Variants in TTC7A observed in about 807,000 individuals in gnomAD.
TTC7A encodes tetratricopeptide repeat domain 7A.
A neutral mutation model predicts 103.7 loss-of-function variants in TTC7A; 110 were observed. That is an observed-to-expected ratio of 1.06 (90% CI 0.91 to 1.24). The LOEUF (loss-of-function observed/expected upper bound fraction) is 1.24. Among genes scored for constraint, TTC7A ranks in the 50% most tolerant of loss-of-function variants. The pLI, the probability that TTC7A is intolerant of heterozygous loss-of-function variation, is 0.00. For missense variants in TTC7A, 1,340 were observed against 1,116.3 expected (o/e 1.20, Z -2.86); for synonymous variants, 521 against 467.9 (o/e 1.11, Z -1.47).
chr2:46,986,068 G>A (rs1187376228), intron 5 of TTC7A, among the ~76,000 whole-genome samples: 1 of 152,196 alleles, frequency 6.6e-6, no homozygotes, highest in East Asian at 1.9e-4. Context: ...CCTGGGTGGG[G>A]GCACAGTTGC....
chr2:46,927,604 C>G (rs1669457881), intron 2 of TTC7A, among the ~76,000 whole-genome samples: 1 of 151,966 alleles, frequency 6.6e-6, no homozygotes, highest in Non-Finnish European at 1.5e-5. Context: ...TCGTGATCTG[C>G]TCTCCTCGGC....
rs531701173 is a variant in TTC7A, at chr2:47,000,810, G to A, written c.1066-5112G>A. Among the ~76,000 whole-genome samples the A allele has an allele frequency of 2.6e-4, 39 of 152,300 alleles. No individual in the cohort carries two copies. The South Asian group carries it at 7.9e-3, about 31-fold the overall frequency. On this transcript the variant is annotated intron_variant, in intron 8 of 19. Coordinates refer to ENST00000319190, the MANE Select transcript of TTC7A (RefSeq NM_020458.4). ...TGTTTTTGAGAATGCGGTTGATCAG[G>A]GCCTTGGACTTGTTGCCCAGGGAGC...
intron 18 of TTC7A, among the ~76,000 whole-genome samples, chr2:47,053,513 G>A (rs899770027): frequency 1.3e-5 from 2 of 150,760 alleles, no homozygotes; most frequent in African/African-American, 2.4e-5. Flanking sequence ...TTTGGTGGGC[G>A]GGTTTTTGGT....
chr2:46,980,878 G>A (rs1050179123), intron 5 of TTC7A, among the ~76,000 whole-genome samples: 1 of 152,212 alleles, frequency 6.6e-6, no homozygotes, highest in Non-Finnish European at 1.5e-5. Context: ...TTACTTGCTA[G>A]ATGACTGGTG....
intron 11 of TTC7A, among the ~76,000 whole-genome samples, chr2:47,013,051 C>T (rs531409768): frequency 4.6e-5 from 7 of 152,326 alleles, no homozygotes; most frequent in African/African-American, 1.4e-4. Flanking sequence ...CCTAACCTCA[C>T]TGTGCCTCAG....
chr2:46,967,405 C>T (rs1048991070), intron 3 of TTC7A, among the ~76,000 whole-genome samples: 1 of 152,178 alleles, frequency 6.6e-6, no homozygotes, highest in Non-Finnish European at 1.5e-5. Context: ...GAAACAGCAA[C>T]GCCCCATTCC....
intron 19 of TTC7A, chr2:47,068,637 AC>A (rs1684384035): frequency 6.6e-6 from 1 of 151,616 alleles, no homozygotes; most frequent in South Asian, 2.1e-4. Context: ...GTCCCCCAGC[AC>A]CTGCTCAGTG....
chr2:46,987,557 C>T (rs1392557890), intron 5 of TTC7A, among the ~76,000 whole-genome samples: 1 of 152,214 alleles, frequency 6.6e-6, no homozygotes, highest in Admixed American at 6.5e-5. Flanking sequence ...TGGTTTTTCC[C>T]TTCCTTCCGC....
chr2:47,032,493 G>A (rs1442845840), intron 15 of TTC7A, among the ~76,000 whole-genome samples: 1 of 152,210 alleles, frequency 6.6e-6, no homozygotes, highest in Non-Finnish European at 1.5e-5. Context: ...GCTGTGGAGG[G>A]TGGGGCCTAG....
At chr2:46,981,561 T>G (rs1247548760) in intron 5 of TTC7A, among the ~76,000 whole-genome samples, 1 of 152,076 alleles carries the variant, frequency 6.6e-6, no homozygotes, top group African/African-American at 2.4e-5. Flanking sequence ...GCCAAATAAG[T>G]TTGGGAAACA....
intron 5 of TTC7A, among the ~76,000 whole-genome samples, chr2:46,982,766 C>G (rs985399501): frequency 1.3e-5 from 2 of 152,118 alleles, no homozygotes; most frequent in Non-Finnish European, 2.9e-5. Context: ...AAGTTTGAGA[C>G]CAGCCTGGAC....
intron 16 of TTC7A, among the ~76,000 whole-genome samples, chr2:47,049,065 G>A (rs773312296): frequency 6.6e-6 from 1 of 152,136 alleles, no homozygotes; most frequent in African/African-American, 2.4e-5. Flanking sequence ...CCTGAGTTAC[G>A]ATGGCAAGGA....
chr2:46,967,320 CTT>C (rs1672949901), intron 3 of TTC7A, among the ~76,000 whole-genome samples: 1 of 152,344 alleles, frequency 6.6e-6, no homozygotes, highest in East Asian at 1.9e-4. Context: ...CTCCTGAACT[CTT>C]TTAACATTTG....
intron 8 of TTC7A, among the ~76,000 whole-genome samples, chr2:47,005,495 G>A (rs1010133108): frequency 2.8e-4 from 42 of 152,156 alleles, no homozygotes; most frequent in Admixed American, 3.3e-4. Context: ...GTGGAGGGCC[G>A]CTTCCAGATA....
chr2:46,951,848 G>A (rs539407143), intron 2 of TTC7A: 1 of 349,306 alleles, frequency 2.9e-6, no homozygotes, highest in South Asian at 2.2e-5. Context: ...CCTCAAGGAG[G>A]TTGCAGGTCT....
At chr2:46,951,782 A>G in intron 2 of TTC7A, 1 of 407,760 alleles carries the variant, frequency 2.5e-6, no homozygotes, top group Non-Finnish European at 5.0e-6. Context: ...ACTGTGTGCA[A>G]GGCATTGTGT....
At position 47,051,861 on chromosome 2, in the gene TTC7A, A is replaced by T; in HGVS notation, c.2133A>T (p.Glu711Asp). Residue 711 changes from glutamate (E) to aspartate (D), a missense_variant, in exon 18 of 20, where the codon GAA becomes GAT. Physicochemically the swap from Glu to Asp is conservative, Grantham distance 45 (BLOSUM62 2). Coordinates refer to ENST00000319190, the MANE Select transcript of TTC7A (RefSeq NM_020458.4). Reference protein sequence around the residue: ...QGPMQLWTTLEQIWLQAAELF... With the variant: ...QGPMQLWTTLDQIWLQAAELF... Reference sequence around the variant, plus strand: ...CCATGCAGCTGTGGACCACGCTGGAACAGATCTGGCTGCAGGCTGGTGAGT... The same window carrying T: ...CCATGCAGCTGTGGACCACGCTGGATCAGATCTGGCTGCAGGCTGGTGAGT... The T allele has an allele frequency of 1.9e-6, 3 of 1,611,228 alleles. No individual in the cohort carries two copies. The highest frequency in any genetic ancestry group is 2.5e-6 in the Non-Finnish European group (3 of 1,179,216).
Position 47,019,865 on chromosome 2 carries a change from A to G in TTC7A, c.1393-1997A>G, listed in dbSNP as rs536649329. 3.5e-4 allele frequency among the ~76,000 whole-genome samples: 53 copies of G among 152,258 alleles called. No individual in the cohort carries two copies. The South Asian group carries it at 0.011, about 32-fold the overall frequency. Reference sequence around the variant, plus strand: ...AATGGAGCCTCATAATGCCTGAGATAGTGTGTGAGATGAGCCTCATTAGCC... The same window carrying G: ...AATGGAGCCTCATAATGCCTGAGATGGTGTGTGAGATGAGCCTCATTAGCC... On this transcript the variant is annotated intron_variant, in intron 11 of 19. Transcript: ENST00000319190.
chr2:47,006,820 T>TATTA lies in TTC7A; in HGVS notation c.1287+97_1287+100dup, dbSNP rs921763498. The TATTA allele has an allele frequency of 7.0e-6, 7 of 1,001,584 alleles. No homozygotes were observed. The African/African-American group carries it at 9.6e-5, about 14-fold the overall frequency. The allele number at this position is 1,001,584 out of a possible 1,614,324, so 62.0% of individuals were successfully genotyped here. Reference sequence around the variant, plus strand: ...TTTTCTGGCCAGGGGAGTGGGTGGGTATTATCCTGCCGCTGGTTTGAACCT... The same window carrying TATTA: ...TTTTCTGGCCAGGGGAGTGGGTGGGTATTAATTATCCTGCCGCTGGTTTGAACCT... On this transcript the variant is annotated intron_variant, in intron 10 of 19. Coordinates refer to ENST00000319190, the MANE Select transcript of TTC7A (RefSeq NM_020458.4).
Sources: allele counts gnomAD v4.1 joint callset (sites outside exome capture counted in the v4.1 genomes callset), GRCh38; gene constraint gnomAD v4.1.1; transcripts MANE v1.5; gene names NCBI Gene and HGNC (gene_info 2026-07-23, HGNC 2026-07-21).